EPM2A: variants seen among roughly 807,000 people sequenced by gnomAD.
EPM2A encodes EPM2A glucan phosphatase, laforin.
Under a neutral mutation model 26.5 loss-of-function variants are expected in EPM2A, and 21 were observed. That is an observed-to-expected ratio of 0.79 (90% confidence interval 0.56 to 1.14). EPM2A has a LOEUF of 1.14. EPM2A is among the 50% of genes most tolerant of loss of function. EPM2A has a pLI of 0.00. For missense variants in EPM2A, 458 were observed against 440.8 expected (o/e 1.04, Z -0.35); for synonymous variants, 217 against 177.6 (o/e 1.22, Z -1.76).
At chr6:145,414,706 C>T (rs1756880335) in intron 4 of EPM2A, among the ~76,000 whole-genome samples, 1 of 152,006 alleles carries the variant, frequency 6.6e-6, no homozygotes, top group African/African-American at 2.4e-5. Flanking sequence ...ACCCTCTGAC[C>T]TGCAAGTCCA....
At chr6:145,510,704 A>G (rs1157367816) in intron 2 of EPM2A, among the ~76,000 whole-genome samples, 1 of 152,034 alleles carries the variant, frequency 6.6e-6, no homozygotes, top group Admixed American at 6.5e-5. Flanking sequence ...AAAACAAACA[A>G]AAAAATAAAA....
chr6:145,396,458 C>A (rs1778406581), intron 4 of EPM2A, among the ~76,000 whole-genome samples: 1 of 152,218 alleles, frequency 6.6e-6, no homozygotes. Flanking sequence ...ACCCAGCACT[C>A]TTTAGAGACC....
chr6:145,454,064 A>C (rs1779230583), intron 4 of EPM2A, among the ~76,000 whole-genome samples: 1 of 152,160 alleles, frequency 6.6e-6, no homozygotes, highest in Non-Finnish European at 1.5e-5. Flanking sequence ...TGATTCCATT[A>C]GTATCTAATA....
chr6:145,671,454 T>C (rs897086554), intron 2 of EPM2A: 2 of 908,122 alleles, frequency 2.2e-6, no homozygotes, highest in African/African-American at 1.8e-5. Flanking sequence ...ATATTACATG[T>C]TGGCAAAATG....
chr6:145,654,665 T>A (rs2128581393), intron 2 of EPM2A, among the ~76,000 whole-genome samples: 1 of 152,330 alleles, frequency 6.6e-6, no homozygotes, highest in Admixed American at 6.5e-5. Flanking sequence ...ATAAGTAATC[T>A]GTTCATTGAT....
At chr6:145,709,269 G>A (rs1459386232) in intron 1 of EPM2A, among the ~76,000 whole-genome samples, 1 of 152,118 alleles carries the variant, frequency 6.6e-6, no homozygotes, top group East Asian at 1.9e-4. Context: ...TTTTAGAGGG[G>A]CCAGGGCAGA....
chr6:145,432,510 T>TC (rs1239237585), intron 4 of EPM2A, among the ~76,000 whole-genome samples: 1 of 151,828 alleles, frequency 6.6e-6, no homozygotes, highest in African/African-American at 2.4e-5. Context: ...CTTTTTTTTT[T>TC]TTCTGAACAG....
In EPM2A at chr6:145,735,291, C is replaced by T; in HGVS notation, c.208G>A (p.Glu70Lys). The change falls in exon 1 of 4, where the codon GAG becomes AAG. Residue 70 changes from glutamate (E) to lysine (K), a missense_variant. Glu to Lys is a moderately conservative substitution (Grantham distance 56, BLOSUM62 1). Transcript: ENST00000367519. ...GGCTCCGCCCCGTCCTGCGCCGCCT[C>T]CTCGGCCGCCAGCTCCACCTCCCCG... Reference protein sequence around the residue: ...WLGEVELAAEEAAQDGAEPGR... With the variant: ...WLGEVELAAEKAAQDGAEPGR... 1 of 1,484,876 alleles carries T rather than the reference C, an allele frequency of 6.7e-7. No homozygotes were observed. Among genetic ancestry groups the T allele is most frequent in the Non-Finnish European group, 9.0e-7 (1 of 1,115,908 alleles). The allele number at this position is 1,484,876 out of a possible 1,614,324, so 92.0% of individuals were successfully genotyped here.
intron 4 of EPM2A, among the ~76,000 whole-genome samples, chr6:145,429,282 CAAAA>C (rs1778891280): frequency 6.6e-6 from 1 of 152,046 alleles, no homozygotes; most frequent in Admixed American, 6.5e-5. Context: ...AATTCTTAAA[CAAAA>C]ATCAACTATA....
At chr6:145,659,505 C>T (rs915721409) in intron 2 of EPM2A, among the ~76,000 whole-genome samples, 4 of 151,952 alleles carry the variant, frequency 2.6e-5, no homozygotes, top group African/African-American at 7.3e-5. Context: ...TAAGTACCAT[C>T]GACTCTCCCT....
rs749233191 is a variant in EPM2A, at chr6:145,401,298, C to A, written c.556-17201G>T. Among the ~76,000 whole-genome samples the A allele has an allele frequency of 3.6e-4, 55 of 152,204 alleles. 1 individual carries two copies. In the Middle Eastern group the frequency reaches 0.01, roughly 28 times the overall value. The stretch of plus-strand genomic sequence containing the variant: ...TATTTGTACCCATCTTTTTATATAT[C>A]ATATACACAAGTACTCTATTTTCAC... On this transcript the variant is annotated intron_variant, in intron 4 of 4. Transcript: ENST00000638717.
intron 4 of EPM2A, among the ~76,000 whole-genome samples, chr6:145,437,083 T>C (rs182111059): frequency 6.6e-6 from 1 of 152,294 alleles, no homozygotes; most frequent in Admixed American, 6.5e-5. Flanking sequence ...TGTGGAATTG[T>C]CATCTCCACG....
At chr6:145,607,017 A>G (rs557170126) in intron 2 of EPM2A, among the ~76,000 whole-genome samples, 1 of 152,178 alleles carries the variant, frequency 6.6e-6, no homozygotes, top group Admixed American at 6.6e-5. Context: ...GAATAGACAA[A>G]TAAGGCAACT....
intron 1 of EPM2A, among the ~76,000 whole-genome samples, chr6:145,716,513 G>T (rs1407849579): frequency 5.3e-5 from 8 of 152,284 alleles, no homozygotes; most frequent in Middle Eastern, 3.4e-3. Flanking sequence ...CTCGAGGTAA[G>T]CCATGCAGCA....
chr6:145,563,689 T>C (rs1780841467), intron 2 of EPM2A, among the ~76,000 whole-genome samples: 1 of 152,176 alleles, frequency 6.6e-6, no homozygotes, highest in Admixed American at 6.5e-5. Context: ...TGAGATTGTG[T>C]ACCCAGATAA....
Position 145,735,469 on chromosome 6 carries a change from T to C in EPM2A, c.30A>G (p.Pro10=), listed in dbSNP as rs922986136. The change falls in exon 1 of 4, where the codon CCA becomes CCG. Residue 10 remains proline (P), a synonymous_variant. Coordinates refer to ENST00000367519, the MANE Select transcript of EPM2A (RefSeq NM_005670.4). MRFRFGVVV[P]PAVAGARPEL... ...CCGGCCGGGCGCCGGCCACGGCGGG[T>C]GGCACCACCACCCCAAAGCGGAAGC... 1 of 1,220,746 alleles carries C rather than the reference T, an allele frequency of 8.2e-7. No homozygotes were observed. The highest frequency in any genetic ancestry group is 1.0e-6 in the Non-Finnish European group (1 of 978,840). 75.6% of individuals were successfully genotyped at this position (1,220,746 alleles called of 1,614,324 possible). A position where few individuals can be genotyped will look rare whatever the true frequency, so the allele number is the denominator to read the frequency against.
chr6:145,618,391 G>A (rs1047586666), intron 2 of EPM2A, among the ~76,000 whole-genome samples: 2 of 152,178 alleles, frequency 1.3e-5, no homozygotes, highest in Non-Finnish European at 2.9e-5. Flanking sequence ...AGTACAAATC[G>A]TAAAGACCCT....
intron 2 of EPM2A, among the ~76,000 whole-genome samples, chr6:145,513,643 G>A (rs976458928): frequency 1.1e-4 from 16 of 152,314 alleles, no homozygotes; most frequent in African/African-American, 3.6e-4. Context: ...CCTAGTTAAA[G>A]TTGATTGCAG....
At chr6:145,412,453 A>G (rs1778657013) in intron 4 of EPM2A, among the ~76,000 whole-genome samples, 1 of 152,170 alleles carries the variant, frequency 6.6e-6, no homozygotes, top group Middle Eastern at 3.2e-3. Context: ...AAGTGTAAGT[A>G]CTCCATGGGG....
Sources: gnomAD v4.1 joint callset for allele counts (sites outside exome capture counted in the v4.1 genomes callset) on GRCh38, gnomAD v4.1.1 for gene constraint, MANE v1.5 for transcripts, NCBI Gene and HGNC (gene_info 2026-07-23, HGNC 2026-07-21) for gene names.